The following SGCZ variants were observed in gnomAD, a reference collection of about 807,000 sequenced individuals.
SGCZ encodes the protein sarcoglycan zeta.
A neutral mutation model predicts 41.3 loss-of-function variants in SGCZ; 40 were observed. The observed-to-expected ratio is 0.97, with a 90% confidence interval of 0.75 to 1.26. The LOEUF (loss-of-function observed/expected upper bound fraction) is 1.26, where lower values mean the gene tolerates loss of function less well. SGCZ is among the 50% of genes most tolerant of loss of function. SGCZ has a pLI of 0.00. For synonymous variants in SGCZ, 206 were observed against 137.5 expected (o/e 1.50, Z -3.49); for missense variants, 552 against 369.8 (o/e 1.49, Z -4.04).
chr8:14,398,676 A>G (rs2117238860), intron 2 of SGCZ, among the ~76,000 whole-genome samples: 1 of 152,206 alleles, frequency 6.6e-6, no homozygotes, highest in African/African-American at 2.4e-5. Context: ...AGTAATTACA[A>G]AGGGTGCTTG....
chr8:14,885,401 T>C (rs1343993354), intron 1 of SGCZ, among the ~76,000 whole-genome samples: 3 of 152,182 alleles, frequency 2.0e-5, no homozygotes, highest in Non-Finnish European at 4.4e-5. Flanking sequence ...CTCTTGAGTG[T>C]GAATTTTGAG....
chr8:14,245,840 G>GA (rs1161379784), intron 3 of SGCZ, among the ~76,000 whole-genome samples: 1 of 152,110 alleles, frequency 6.6e-6, no homozygotes, highest in Non-Finnish European at 1.5e-5. Flanking sequence ...AAAGACACAT[G>GA]AAAAAATGCT....
At chr8:14,967,606 T>C (rs754676531) in intron 1 of SGCZ, among the ~76,000 whole-genome samples, 1 of 152,140 alleles carries the variant, frequency 6.6e-6, no homozygotes, top group Non-Finnish European at 1.5e-5. Context: ...CTCACTGTAC[T>C]TTTCCATCCC....
intron 1 of SGCZ, among the ~76,000 whole-genome samples, chr8:15,142,002 C>G (rs1798901169): frequency 6.6e-6 from 1 of 152,084 alleles, no homozygotes; most frequent in African/African-American, 2.4e-5. Flanking sequence ...GCACCGGCTG[C>G]ATCAAGAAAG....
chr8:14,686,207 A>C (rs1808605269), intron 1 of SGCZ, among the ~76,000 whole-genome samples: 1 of 152,176 alleles, frequency 6.6e-6, no homozygotes. Flanking sequence ...TATGTTTAGA[A>C]GTAATTTGGA....
chr8:14,936,182 T>C (rs1343458432), intron 1 of SGCZ, among the ~76,000 whole-genome samples: 1 of 151,906 alleles, frequency 6.6e-6, no homozygotes, highest in Non-Finnish European at 1.5e-5. Context: ...AATAAGCCTA[T>C]ACGATGTTTT....
intron 1 of SGCZ, among the ~76,000 whole-genome samples, chr8:15,201,357 G>A (rs1397233361): frequency 1.3e-5 from 2 of 152,106 alleles, no homozygotes; most frequent in African/African-American, 4.8e-5. Flanking sequence ...GATACACCAG[G>A]TACCTGCCGA....
intron 1 of SGCZ, among the ~76,000 whole-genome samples, chr8:14,608,151 G>T (rs760227241): frequency 6.6e-6 from 1 of 151,950 alleles, no homozygotes; most frequent in African/African-American, 2.4e-5. Flanking sequence ...GGCACTAATG[G>T]ACTGCTTTTT....
Position 15,186,852 on chromosome 8 carries a change from T to C in SGCZ, c.39+50733A>G, listed in dbSNP as rs779147605. 1.3e-4 allele frequency among the ~76,000 whole-genome samples: 20 copies of C among 152,152 alleles called. 1 individual carries two copies. Among genetic ancestry groups the C allele is most frequent in the Admixed American group, 6.5e-4 (10 of 15,272 alleles). On this transcript the variant is annotated intron_variant, in intron 1 of 7. Transcript: ENST00000382080. ...CTGTGAACGCTTGTTTTTCAGCTAG[T>C]GGGTTTTTAAGCATTTAAGCAGATC...
chr8:14,651,022 C>G (rs888310393), intron 1 of SGCZ, among the ~76,000 whole-genome samples: 1 of 151,870 alleles, frequency 6.6e-6, no homozygotes, highest in Non-Finnish European at 1.5e-5. Context: ...GCAGACTTAT[C>G]TAGTAGTTGT....
intron 1 of SGCZ, among the ~76,000 whole-genome samples, chr8:14,963,015 T>G (rs547319985): frequency 2.6e-5 from 4 of 152,288 alleles, no homozygotes; most frequent in Admixed American, 2.6e-4. Flanking sequence ...AGTTAAAGAT[T>G]TGGAAAGTTT....
intron 2 of SGCZ, among the ~76,000 whole-genome samples, chr8:14,414,432 G>A (rs1157228517): frequency 6.6e-6 from 1 of 151,912 alleles, no homozygotes; most frequent in Admixed American, 6.6e-5. Context: ...CCTCAGAAAT[G>A]TTGATTATGT....
intron 1 of SGCZ, among the ~76,000 whole-genome samples, chr8:14,957,582 G>C (rs1246013900): frequency 6.6e-6 from 1 of 151,934 alleles, no homozygotes. Flanking sequence ...TAGCTTACTT[G>C]TCATGTTTTA....
intron 2 of SGCZ, among the ~76,000 whole-genome samples, chr8:14,461,129 C>T (rs1042454886): frequency 7.2e-5 from 11 of 152,080 alleles, no homozygotes; most frequent in African/African-American, 2.4e-4. Flanking sequence ...CAGGTTCCTT[C>T]GCAGGGCTGC....
intron 1 of SGCZ, among the ~76,000 whole-genome samples, chr8:14,985,971 T>G (rs780758828): frequency 6.6e-6 from 1 of 152,174 alleles, no homozygotes; most frequent in African/African-American, 2.4e-5. Flanking sequence ...TAACTAGAGA[T>G]GGGGTTATTG....
chr8:15,115,946 TA>T (rs747621926), intron 1 of SGCZ, among the ~76,000 whole-genome samples: 6 of 152,232 alleles, frequency 3.9e-5, no homozygotes, highest in Non-Finnish European at 5.9e-5. Context: ...CAGCAAACTT[TA>T]ATAGGCCACA....
chr8:14,515,303 T>G (rs2117086225), intron 2 of SGCZ, among the ~76,000 whole-genome samples: 1 of 152,138 alleles, frequency 6.6e-6, no homozygotes, highest in Admixed American at 6.6e-5. Context: ...GCCTCAGAGG[T>G]TTTCAGATAC....
At chr8:14,830,310 A>G (rs961842157) in intron 1 of SGCZ, among the ~76,000 whole-genome samples, 1 of 151,754 alleles carries the variant, frequency 6.6e-6, no homozygotes, top group African/African-American at 2.4e-5. Context: ...TATGTAACTT[A>G]TATTTCCAAG....
intron 1 of SGCZ, among the ~76,000 whole-genome samples, chr8:14,984,623 T>C (rs1239088543): frequency 6.6e-6 from 1 of 152,184 alleles, no homozygotes; most frequent in Non-Finnish European, 1.5e-5. Flanking sequence ...ATCCTGTAAC[T>C]TTGGTCATTC....
Sources: allele counts gnomAD v4.1 joint callset (sites outside exome capture counted in the v4.1 genomes callset), GRCh38; gene constraint gnomAD v4.1.1; transcripts MANE v1.5; gene names NCBI Gene and HGNC (gene_info 2026-07-23, HGNC 2026-07-21).